CD3G: variants seen among roughly 807,000 people sequenced by gnomAD.
CD3G encodes T-cell surface glycoprotein CD3 gamma chain.
A neutral mutation model predicts 28.3 loss-of-function variants in CD3G; 24 were observed. The observed-to-expected ratio is 0.85, with a 90% confidence interval of 0.61 to 1.19. CD3G has a LOEUF of 1.19. Ranked by LOEUF, CD3G falls within the 50% of genes most tolerant of loss-of-function variation. The pLI is 0.00. For synonymous variants in CD3G, 71 were observed against 75.9 expected, an observed-to-expected ratio of 0.93 and a Z score of 0.34; for missense variants, 211 against 210.0, an observed-to-expected ratio of 1.00 and a Z score of -0.03.
At chr11:118,345,071 G>T (rs1302730480) in intron 1 of CD3G, among the ~76,000 whole-genome samples, 1 of 152,174 alleles carries the variant, frequency 6.6e-6, no homozygotes, top group Non-Finnish European at 1.5e-5. Context: ...GGATGAACTG[G>T]GTTGATGCCT....
At chr11:118,349,614 A>C in intron 2 of CD3G, 129 bp from the exon 3 acceptor site, 1 of 787,180 alleles carries the variant, frequency 1.3e-6, no homozygotes, top group South Asian at 1.5e-5. Flanking sequence ...AATTTTAACA[A>C]GATCCCCATG....
chr11:118,350,296 T>C, intron 3 of CD3G: 2 of 578,702 alleles, frequency 3.5e-6, no homozygotes, highest in South Asian at 2.0e-5. Context: ...CAGTGGAGCA[T>C]GAAGAGTATC....
rs1948433806 is a variant in CD3G, at chr11:118,354,394, C to G, written c.*1294C>G. On this transcript the variant is annotated 3_prime_UTR_variant, in exon 7 of 7. Transcript: ENST00000532917. ...CTCAGCTCACTGCAACCTCCACCTC[C>G]TGGGTTCAAGCGATTCTCTTGCCTT... 6.6e-6 allele frequency: 1 copy of G among 150,726 alleles called. No individual in the cohort carries two copies. The highest frequency in any genetic ancestry group is 2.4e-5 in the African/African-American group (1 of 40,868). The allele number at this position is 150,726 out of a possible 1,614,324, so 9.3% of individuals were successfully genotyped here. A position where few individuals can be genotyped will look rare whatever the true frequency, so the allele number is the denominator to read the frequency against.
At chr11:118,350,899 A>AAAC (rs1565522303) in intron 4 of CD3G, 6 of 1,233,648 alleles carry the variant, frequency 4.9e-6, no homozygotes, top group Non-Finnish European at 5.2e-6. Context: ...GAAAAAAAAA[A>AAAC]AAAACAAAAA....
chr11:118,351,448 G>T (rs187760222), intron 4 of CD3G, among the ~76,000 whole-genome samples, 180 bp from the exon 5 acceptor site: 8 of 152,162 alleles, frequency 5.3e-5, no homozygotes, highest in Admixed American at 5.2e-4. Context: ...TATGTAAATG[G>T]ACTCATATAC....
chr11:118,346,832 A>G (rs1314537383), intron 1 of CD3G, among the ~76,000 whole-genome samples: 7 of 151,772 alleles, frequency 4.6e-5, no homozygotes, highest in Non-Finnish European at 7.4e-5. Flanking sequence ...TCAAAAAAAA[A>G]AAAAAAAACT....
Position 118,344,359 on chromosome 11 carries a change from C to T in CD3G, c.-65C>T, listed in dbSNP as rs893001013. ...GGGTGGAGCCAGTCTAGCTGCTGCA[C>T]AGGCTGGCTGGCTGGCTGGCTGCTA... is the stretch of plus-strand genomic sequence containing the variant. On this transcript the variant is annotated 5_prime_UTR_variant, in exon 1 of 7. Coordinates refer to ENST00000532917, the MANE Select transcript of CD3G (RefSeq NM_000073.3). 1.4e-6 allele frequency: 2 copies of T among 1,394,648 alleles called. No individual in the cohort carries two copies. Among genetic ancestry groups the T allele is most frequent in the East Asian group, 2.6e-5 (1 of 38,604 alleles). The allele number at this position is 1,394,648 out of a possible 1,614,324, so 86.4% of individuals were successfully genotyped here. A position where few individuals can be genotyped will look rare whatever the true frequency, so the allele number is the denominator to read the frequency against.
chr11:118,350,711 G>A (rs1948399925), intron 4 of CD3G, 28 bp downstream of exon 4: 32 of 1,613,356 alleles, frequency 2.0e-5, no homozygotes, highest in Non-Finnish European at 2.7e-5. Flanking sequence ...GATGAGAGAT[G>A]GGACCACCTG....
intron 4 of CD3G, 88 bp downstream of exon 4, chr11:118,350,771 G>A (rs1948400798): frequency 1.9e-6 from 3 of 1,603,142 alleles, no homozygotes; most frequent in Admixed American, 1.7e-5. Context: ...AAGAGACTGA[G>A]TTGGTGCTTC....
intron 2 of CD3G, 184 bp downstream of exon 2, chr11:118,349,234 G>C: frequency 6.5e-7 from 1 of 1,531,378 alleles, no homozygotes; most frequent in Non-Finnish European, 8.8e-7. Context: ...CAGCTTGCCT[G>C]TAGCTAAGCA....
chr11:118,349,867 TA>T lies in CD3G; in HGVS notation c.213del (p.Lys71AsnfsTer40), dbSNP rs570768621. On this transcript the variant is annotated frameshift_variant, in exon 3 of 7. Coordinates refer to ENST00000532917, the MANE Select transcript of CD3G (RefSeq NM_000073.3). LOFTEE classifies it high-confidence loss of function. ...AGATGATCGGCTTCCTAACTGAAGA[TA>T]AAAAAAAATGGAATCTGGGAAGTAA... The part of the protein sequence containing the change: ...GKMIGFLTED[K>X]KKWNLGSNAK... The T allele has an allele frequency of 6.2e-5, 99 of 1,599,382 alleles. No individual in the cohort carries two copies. The highest frequency in any genetic ancestry group is 3.4e-4 in the East Asian group (15 of 44,536).
At position 118,350,546 on chromosome 11, in the gene CD3G, C is replaced by T. The variant is rs2134070597; in HGVS notation, c.308-6C>T. 6.2e-7 allele frequency: 1 copy of T among 1,608,042 alleles called. No individual in the cohort carries two copies. The highest frequency in any genetic ancestry group is 2.2e-5 in the East Asian group (1 of 44,850). On this transcript the variant is annotated splice_region_variant and splice_polypyrimidine_tract_variant and intron_variant, in intron 3 of 6. Coordinates refer to ENST00000532917, the MANE Select transcript of CD3G (RefSeq NM_000073.3). ...CCTGAAGGTTTGTCTCTCCTTTTCC[C>T]TACAGTGTGTCAGAACTGCATTGAA...
chr11:118,350,903 A>C lies in CD3G; in HGVS notation c.439+220A>C, dbSNP rs575711456. On this transcript the variant is annotated intron_variant, in intron 4 of 6. Transcript: ENST00000532917. ...GCTCCCTCTGTGAAAAAAAAAAAAA[A>C]CAAAAACAGGCGCAGTGGCTCACGC... The C allele has an allele frequency of 1.2e-4, 123 of 1,012,936 alleles. 8 individuals are homozygous for C. In the African/African-American group the frequency reaches 1.9e-3, roughly 16 times the overall value. The allele number at this position is 1,012,936 out of a possible 1,614,324, so 62.7% of individuals were successfully genotyped here. A position where few individuals can be genotyped will look rare whatever the true frequency, so the allele number is the denominator to read the frequency against.
At position 118,351,636 on chromosome 11, in the gene CD3G, A is replaced by G; in HGVS notation, c.448A>G (p.Lys150Glu). 1 of 1,614,050 alleles carries G rather than the reference A, an allele frequency of 6.2e-7. No individual in the cohort carries two copies. The highest frequency in any genetic ancestry group is 1.3e-5 in the African/African-American group (1 of 75,026). The change falls in exon 5 of 7, where the codon AAG becomes GAG. Residue 150 changes from lysine to glutamate, a missense_variant. By Grantham distance (56) the Lys-to-Glu change is moderately conservative. Transcript: ENST00000532917. Reference protein sequence around the residue: ...DGVRQSRASDKQTLLPNDQLY... With the variant: ...DGVRQSRASDEQTLLPNDQLY... ...GTTTCTTTTTTGTGCAGCTTCAGAC[A>G]AGCAGACTCTGTTGCCCAATGACCA...
intron 4 of CD3G, among the ~76,000 whole-genome samples, chr11:118,351,202 A>AAC (rs1948407591): frequency 6.6e-6 from 1 of 151,576 alleles, no homozygotes; most frequent in Admixed American, 6.6e-5. Flanking sequence ...AAAAAAAAAA[A>AAC]AAAACTATTT....
At chr11:118,347,503 A>G (rs1948368048) in intron 1 of CD3G, among the ~76,000 whole-genome samples, 1 of 152,158 alleles carries the variant, frequency 6.6e-6, no homozygotes, top group Non-Finnish European at 1.5e-5. Context: ...ATAATATCTA[A>G]TTATTTTAGG....
At chr11:118,345,088 TG>T (rs929615836) in intron 1 of CD3G, among the ~76,000 whole-genome samples, 6 of 152,154 alleles carry the variant, frequency 3.9e-5, no homozygotes, top group African/African-American at 1.4e-4. Context: ...GCCTGGAGTC[TG>T]GACATCCTGG....
chr11:118,350,139 C>T (rs1948393056), intron 3 of CD3G, 169 bp downstream of exon 3: 4 of 649,844 alleles, frequency 6.2e-6, no homozygotes, highest in Non-Finnish European at 1.1e-5. Flanking sequence ...ACTTCCCTCA[C>T]CCTATTGAAA....
At chr11:118,345,675 G>A (rs1188201283) in intron 1 of CD3G, among the ~76,000 whole-genome samples, 1 of 152,152 alleles carries the variant, frequency 6.6e-6, no homozygotes, top group African/African-American at 2.4e-5. Flanking sequence ...ATGGTGGAAG[G>A]ACAGAGTCAA....
Sources: gnomAD v4.1 joint callset for allele counts (sites outside exome capture counted in the v4.1 genomes callset) on GRCh38, gnomAD v4.1.1 for gene constraint, MANE v1.5 for transcripts, NCBI Gene and HGNC (gene_info 2026-07-23, HGNC 2026-07-21) for gene names.